Variants in EYA4 observed in about 807,000 individuals in gnomAD.
The protein encoded by EYA4 is protein phosphatase EYA4.
Under a neutral mutation model 87.9 loss-of-function variants are expected in EYA4, and 31 were observed. The ratio of observed to expected loss-of-function variants is 0.35; its 90% CI spans 0.27 to 0.48. EYA4 has a LOEUF of 0.48. Ranked by LOEUF, EYA4 falls within the 20% of genes least tolerant of loss-of-function variation. The pLI, the probability that EYA4 is intolerant of heterozygous loss-of-function variation, is 0.99. For missense variants in EYA4, 678 were observed against 761.4 expected, an observed-to-expected ratio of 0.89 and a Z score of 1.29; for synonymous variants, 263 against 270.6, an observed-to-expected ratio of 0.97 and a Z score of 0.28.
At chr6:133,442,433 A>G (rs899765892) in intron 3 of EYA4, among the ~76,000 whole-genome samples, 37 of 152,206 alleles carry the variant, frequency 2.4e-4, no homozygotes, top group African/African-American at 8.4e-4. Context: ...TTATATTTCA[A>G]CATTTGAACT....
Position 133,275,853 on chromosome 6 carries a change from C to A in EYA4, c.33+1040C>A, listed in dbSNP as rs144093434. Among the ~76,000 whole-genome samples the A allele has an allele frequency of 1.5e-4, 23 of 152,164 alleles. No homozygotes were observed. In the East Asian group the frequency reaches 4.2e-3, roughly 28 times the overall value. On this transcript the variant is annotated intron_variant, in intron 2 of 19. Transcript: ENST00000355286. ...TTATATTATGATTTATTTCACATGGCATCATAGGAAAAATGTAACAAAAAA... is the reference window on the plus strand; with the variant it reads ...TTATATTATGATTTATTTCACATGGAATCATAGGAAAAATGTAACAAAAAA...
chr6:133,339,973 A>G (rs1325007262), intron 2 of EYA4, among the ~76,000 whole-genome samples: 1 of 152,184 alleles, frequency 6.6e-6, no homozygotes, highest in East Asian at 1.9e-4. Flanking sequence ...TGCTAAAAAC[A>G]ACAAGTAGGT....
At chr6:133,370,334 C>T (rs1785171703) in intron 2 of EYA4, among the ~76,000 whole-genome samples, 1 of 152,144 alleles carries the variant, frequency 6.6e-6, no homozygotes. Flanking sequence ...TATTATGTTC[C>T]ATGGGCAGTC....
chr6:133,527,854 A>G (rs772786353), intron 19 of EYA4, among the ~76,000 whole-genome samples: 3 of 152,184 alleles, frequency 2.0e-5, no homozygotes, highest in African/African-American at 4.8e-5. Context: ...GCCCAAACTT[A>G]ACAAATCATG....
At chr6:133,410,683 T>G in intron 3 of EYA4, among the ~76,000 whole-genome samples, 1 of 150,838 alleles carries the variant, frequency 6.6e-6, no homozygotes, top group Non-Finnish European at 1.5e-5. Flanking sequence ...GAAGGCTCCC[T>G]ACTCTGTCCT....
intron 2 of EYA4, among the ~76,000 whole-genome samples, chr6:133,342,574 CATATATATATAT>C (rs56987430): frequency 3.2e-4 from 32 of 100,494 alleles, no homozygotes; most frequent in East Asian, 2.4e-3. Context: ...TACACACTGC[CATATATATATAT>C]ATATATATAT....
intron 2 of EYA4, among the ~76,000 whole-genome samples, chr6:133,315,536 G>A (rs562266275): frequency 1.3e-5 from 2 of 152,174 alleles, no homozygotes; most frequent in African/African-American, 2.4e-5. Context: ...AATTTGCTGA[G>A]AATTCTCCTT....
chr6:133,383,902 C>CT (rs1183353017), intron 3 of EYA4, among the ~76,000 whole-genome samples: 8 of 152,132 alleles, frequency 5.3e-5, no homozygotes, highest in African/African-American at 1.9e-4. Context: ...GGCTCTATTC[C>CT]TTGGAGGCAC....
chr6:133,406,692 G>C (rs912445220), intron 3 of EYA4, among the ~76,000 whole-genome samples: 1 of 152,100 alleles, frequency 6.6e-6, no homozygotes, highest in Non-Finnish European at 1.5e-5. Context: ...ACATTTTTCA[G>C]ATTGAAAGCT....
chr6:133,466,177 A>G (rs1169972671), intron 10 of EYA4, among the ~76,000 whole-genome samples: 1 of 152,188 alleles, frequency 6.6e-6, no homozygotes, highest in Non-Finnish European at 1.5e-5. Flanking sequence ...TATAGTGAAT[A>G]TAATAACAGA....
chr6:133,421,772 G>T (rs1426800498), intron 3 of EYA4, among the ~76,000 whole-genome samples: 1 of 152,164 alleles, frequency 6.6e-6, no homozygotes, highest in African/African-American at 2.4e-5. Flanking sequence ...TGAAGTGTAT[G>T]CAGGATCAGC....
At position 133,440,366 on chromosome 6, in the gene EYA4, T is replaced by C. The variant is rs542973525; in HGVS notation, c.84-6264T>C. On this transcript the variant is annotated intron_variant, in intron 3 of 19. Transcript: ENST00000355286. ...TGAGTTTGACAGCTGTTTATTTGCA[T>C]CTTTAATAGGAAGGGCACTTCAGGA... Among the ~76,000 whole-genome samples, 3 of 152,344 alleles carry C rather than the reference T, an allele frequency of 2.0e-5. No individual in the cohort carries two copies. In the South Asian group the frequency reaches 6.2e-4, roughly 32 times the overall value.
intron 1 of EYA4, among the ~76,000 whole-genome samples, chr6:133,263,475 A>C (rs1775963160): frequency 6.6e-6 from 1 of 152,094 alleles, no homozygotes; most frequent in African/African-American, 2.4e-5. Context: ...AACGTTTCCA[A>C]GTTTTATATC....
At position 133,446,653 on chromosome 6, in the gene EYA4, C is replaced by G; in HGVS notation, c.107C>G (p.Ala36Gly). The change falls in exon 4 of 20, where the codon GCA becomes GGA. Residue 36 changes from alanine (A) to glycine (G), a missense_variant. Coordinates refer to ENST00000355286, the MANE Select transcript of EYA4 (RefSeq NM_004100.5). ...AGGTCTATGGAAATGCAGGACCTAGCAAGTCCTCATACTCTTGTTGGAGGT... is the reference window on the plus strand; with the variant it reads ...AGGTCTATGGAAATGCAGGACCTAGGAAGTCCTCATACTCTTGTTGGAGGT... ...NSRSMEMQDL[A>G]SPHTLVGGGD... 1 of 1,613,638 alleles carries G rather than the reference C, an allele frequency of 6.2e-7. No homozygotes were observed. Among genetic ancestry groups the G allele is most frequent in the Non-Finnish European group, 8.5e-7 (1 of 1,179,598 alleles).
chr6:133,403,719 C>T (rs1428073773), intron 3 of EYA4, among the ~76,000 whole-genome samples: 2 of 152,220 alleles, frequency 1.3e-5, no homozygotes, highest in African/African-American at 2.4e-5. Context: ...CATTCATCAA[C>T]TAAACTCTCA....
At chr6:133,320,584 T>C (rs1019511462) in intron 2 of EYA4, among the ~76,000 whole-genome samples, 2 of 152,138 alleles carry the variant, frequency 1.3e-5, no homozygotes, top group African/African-American at 2.4e-5. Context: ...TATAGACATA[T>C]TGTGTAATGA....
At chr6:133,343,661 C>CT (rs1462215835) in intron 2 of EYA4, among the ~76,000 whole-genome samples, 1 of 148,774 alleles carries the variant, frequency 6.7e-6, no homozygotes, top group Non-Finnish European at 1.5e-5. Flanking sequence ...TTAACAAAGA[C>CT]TAATAATAAC....
intron 13 of EYA4, among the ~76,000 whole-genome samples, chr6:133,492,629 T>G (rs1797286294): frequency 2.0e-5 from 3 of 152,186 alleles, no homozygotes; most frequent in African/African-American, 7.2e-5. Context: ...TAGAAAGAAA[T>G]AAATGGCATC....
At chr6:133,366,111 G>A (rs757440099) in intron 2 of EYA4, among the ~76,000 whole-genome samples, 22 of 152,150 alleles carry the variant, frequency 1.4e-4, no homozygotes, top group Non-Finnish European at 2.8e-4. Context: ...AGAAGTGGCT[G>A]AAGAGATGAA....
Sources: allele counts gnomAD v4.1 joint callset (sites outside exome capture counted in the v4.1 genomes callset), GRCh38; gene constraint gnomAD v4.1.1; transcripts MANE v1.5; gene names NCBI Gene and HGNC (gene_info 2026-07-23, HGNC 2026-07-21).